NOS1AP: variants seen among roughly 807,000 people sequenced by gnomAD.
The protein encoded by NOS1AP is carboxyl-terminal PDZ ligand of neuronal nitric oxide synthase protein.
Under a neutral mutation model 56.2 loss-of-function variants are expected in NOS1AP, and 21 were observed. That is an observed-to-expected ratio of 0.37 (90% CI 0.26 to 0.54). The LOEUF is 0.54. Among genes scored for constraint, NOS1AP ranks in the 20% least tolerant of loss-of-function variants. The pLI is 0.84. For synonymous variants in NOS1AP, 270 were observed against 274.6 expected, an observed-to-expected ratio of 0.98 and a Z score of 0.17; for missense variants, 522 against 657.8, an observed-to-expected ratio of 0.79 and a Z score of 2.26.
chr1:162,204,834 G>A (rs557001064), intron 2 of NOS1AP, among the ~76,000 whole-genome samples: 7 of 152,274 alleles, frequency 4.6e-5, no homozygotes, highest in Admixed American at 1.3e-4. Context: ...AAGACTGTAC[G>A]TGCACATGTG....
chr1:162,171,889 A>T (rs535997267), intron 2 of NOS1AP, among the ~76,000 whole-genome samples: 1 of 152,254 alleles, frequency 6.6e-6, no homozygotes, highest in Non-Finnish European at 1.5e-5. Flanking sequence ...AAAGCTGAGG[A>T]CATTCTCCCA....
At chr1:162,322,269 A>G (rs886736537) in intron 4 of NOS1AP, among the ~76,000 whole-genome samples, 9 of 152,174 alleles carry the variant, frequency 5.9e-5, no homozygotes, top group African/African-American at 2.2e-4. Flanking sequence ...AAGTGCCTTC[A>G]GGTGAGTTCT....
At chr1:162,255,813 A>G (rs894012386) in intron 2 of NOS1AP, among the ~76,000 whole-genome samples, 6 of 152,128 alleles carry the variant, frequency 3.9e-5, no homozygotes, top group African/African-American at 1.4e-4. Context: ...TTAAGCACTA[A>G]CCCAGTCTTT....
chr1:162,178,463 A>G (rs1651140249), intron 2 of NOS1AP, among the ~76,000 whole-genome samples: 1 of 152,230 alleles, frequency 6.6e-6, no homozygotes, highest in African/African-American at 2.4e-5. Flanking sequence ...CATACACCAA[A>G]CATGGTGCTA....
intron 2 of NOS1AP, among the ~76,000 whole-genome samples, chr1:162,245,693 A>G (rs955800846): frequency 6.6e-6 from 1 of 152,236 alleles, no homozygotes; most frequent in African/African-American, 2.4e-5. Context: ...ACATTTTACA[A>G]TCCTGTCAGC....
chr1:162,246,414 G>A (rs1288138999), intron 2 of NOS1AP, among the ~76,000 whole-genome samples: 1 of 152,192 alleles, frequency 6.6e-6, no homozygotes, highest in Non-Finnish European at 1.5e-5. Flanking sequence ...TGAAGAGTGA[G>A]GTAGGAGTTG....
At chr1:162,201,103 A>G (rs887593245) in intron 2 of NOS1AP, among the ~76,000 whole-genome samples, 1 of 151,916 alleles carries the variant, frequency 6.6e-6, no homozygotes, top group Admixed American at 6.5e-5. Context: ...GTTCCTTTCT[A>G]TGCATCCATG....
rs140060993 is a variant in NOS1AP, at chr1:162,149,920, G to A, written c.106-4485G>A. 2.6e-4 allele frequency among the ~76,000 whole-genome samples: 39 copies of A among 152,274 alleles called. 3 individuals carry two copies. Among genetic ancestry groups the A allele is most frequent in the African/African-American group, 8.4e-4 (35 of 41,540 alleles). On this transcript the variant is annotated intron_variant, in intron 1 of 9. Transcript: ENST00000361897. Reference sequence around the variant, plus strand: ...TGATACCGGCATGCAATGCATAATAGTCACATCAGGGTAAATGGGGTATCC... The same window carrying A: ...TGATACCGGCATGCAATGCATAATAATCACATCAGGGTAAATGGGGTATCC...
chr1:162,180,390 G>A (rs1173289617), intron 2 of NOS1AP, among the ~76,000 whole-genome samples: 4 of 152,072 alleles, frequency 2.6e-5, no homozygotes, highest in East Asian at 3.9e-4. Context: ...GACCACAGGC[G>A]CCCGCCACCA....
intron 1 of NOS1AP, among the ~76,000 whole-genome samples, chr1:162,082,170 T>C (rs1025776051): frequency 7.2e-6 from 1 of 138,342 alleles, no homozygotes; most frequent in East Asian, 2.2e-4. Context: ...CTCCCACTTA[T>C]AAGTGAGAAC....
intron 5 of NOS1AP, chr1:162,342,448 G>C (rs1225237083): frequency 2.2e-6 from 1 of 460,104 alleles, no homozygotes; most frequent in East Asian, 7.0e-5. Context: ...ATGACTCCAG[G>C]CTTGAGGAGA....
intron 2 of NOS1AP, among the ~76,000 whole-genome samples, chr1:162,283,670 A>G (rs925870957): frequency 3.3e-5 from 5 of 152,120 alleles, no homozygotes; most frequent in Non-Finnish European, 7.4e-5. Flanking sequence ...CAAGGCCACT[A>G]TTCCAAAACA....
In NOS1AP at chr1:162,369,915, G is replaced by C. The variant is rs1425895977; in HGVS notation, c.*2448G>C. On this transcript the variant is annotated 3_prime_UTR_variant, in exon 10 of 10. Transcript: ENST00000361897. ...CCATCAGGGCCAACTGGGCAGGAAA[G>C]GGAACATTGCAGACCTGATTTCCCG... 2.0e-5 allele frequency: 3 copies of C among 152,346 alleles called. No homozygotes were observed. Among genetic ancestry groups the C allele is most frequent in the Non-Finnish European group, 4.4e-5 (3 of 68,158 alleles). The allele number at this position is 152,346 out of a possible 1,614,324, so 9.4% of individuals were successfully genotyped here.
Position 162,367,162 on chromosome 1 carries a change from G to A in NOS1AP, c.1216G>A (p.Ala406Thr), listed in dbSNP as rs760300331. Residue 406 changes from alanine to threonine, a missense_variant, in exon 10 of 10, where the codon GCG (alanine) becomes ACG (threonine). Coordinates refer to ENST00000361897, the MANE Select transcript of NOS1AP (RefSeq NM_014697.3). The surrounding 1 kb of genome is among the most constrained non-coding windows in gnomAD (Gnocchi z 6.5). ...GGACCTGCATTCGCCGCCGCTGGGC[G>A]CGGGCTTGGCTGACTTTGCCCACCC... is the stretch of plus-strand genomic sequence containing the variant. Reference protein sequence around the residue: ...PEDLHSPPLGAGLADFAHPAG... With the variant: ...PEDLHSPPLGTGLADFAHPAG... 1.2e-6 allele frequency: 2 copies of A among 1,613,822 alleles called. No individual in the cohort carries two copies. Among genetic ancestry groups the A allele is most frequent in the Admixed American group, 3.3e-5 (2 of 60,028 alleles).
intron 4 of NOS1AP, among the ~76,000 whole-genome samples, chr1:162,311,020 T>G (rs1184161952): frequency 6.6e-6 from 1 of 152,124 alleles, no homozygotes; most frequent in African/African-American, 2.4e-5. Context: ...TCTCCTTTCC[T>G]TTTTTTAACC....
chr1:162,279,265 GA>G (rs1654840515), intron 2 of NOS1AP, among the ~76,000 whole-genome samples: 1 of 152,164 alleles, frequency 6.6e-6, no homozygotes, highest in South Asian at 2.1e-4. Context: ...CCTGGTCAGA[GA>G]AAAGTGATGG....
At chr1:162,292,231 T>C (rs902166734) in intron 3 of NOS1AP, among the ~76,000 whole-genome samples, 5 of 152,240 alleles carry the variant, frequency 3.3e-5, no homozygotes, top group Non-Finnish European at 7.3e-5. Flanking sequence ...TAAGATTGCA[T>C]TGTAGTTATT....
At chr1:162,155,296 ATGTATATGTATGTG>A (rs1649909354) in intron 2 of NOS1AP, among the ~76,000 whole-genome samples, 1 of 145,158 alleles carries the variant, frequency 6.9e-6, no homozygotes, top group Non-Finnish European at 1.5e-5. Context: ...ATACATATAT[ATGTATATGTATGTG>A]TATATATATA....
chr1:162,352,162 C>T (rs1344141198), intron 6 of NOS1AP, among the ~76,000 whole-genome samples: 1 of 152,048 alleles, frequency 6.6e-6, no homozygotes, highest in African/African-American at 2.4e-5. Context: ...TGGGTTCACG[C>T]AATTCTCCTG....
Sources: gnomAD v4.1 joint callset for allele counts (sites outside exome capture counted in the v4.1 genomes callset) on GRCh38, gnomAD v4.1.1 for gene constraint, Gnocchi (gnomAD v3.1) non-coding constraint, MANE v1.5 for transcripts, NCBI Gene and HGNC (gene_info 2026-07-23, HGNC 2026-07-21) for gene names.